MCMDC2: variants seen among roughly 807,000 people sequenced by gnomAD.
MCMDC2 encodes the protein minichromosome maintenance domain-containing protein 2.
MCMDC2 carries 54 observed loss-of-function variants against 75.8 expected under a neutral mutation model. The ratio of observed to expected loss-of-function variants is 0.71; its 90% CI spans 0.57 to 0.89. The LOEUF (loss-of-function observed/expected upper bound fraction) is 0.89, where lower values mean the gene tolerates loss of function less well. Ranked by LOEUF, MCMDC2 falls within the 40% of genes least tolerant of loss-of-function variation. The probability of loss-of-function intolerance (pLI) is 0.00; values close to 1 mark genes in which losing one functional copy is unlikely to be tolerated. For missense variants in MCMDC2, 656 were observed against 780.4 expected, an observed-to-expected ratio of 0.84 and a Z score of 1.90; for synonymous variants, 249 against 274.6, an observed-to-expected ratio of 0.91 and a Z score of 0.92.
chr8:66,902,711 A>ATAT (rs1554530727), intron 13 of MCMDC2, among the ~76,000 whole-genome samples: 122 of 67,844 alleles, frequency 1.8e-3, no homozygotes, highest in Middle Eastern at 0.011. Context: ...AAAAAAAAAA[A>ATAT]ATATATATAT....
At chr8:66,912,240 C>G (rs1294111695) in intron 14 of MCMDC2, among the ~76,000 whole-genome samples, 3 of 152,108 alleles carry the variant, frequency 2.0e-5, no homozygotes, top group African/African-American at 7.2e-5. Context: ...AATGTGGCGG[C>G]AACAGCAAGA....
chr8:66,925,788 G>A (rs1045562751), downstream of MCMDC2, among the ~76,000 whole-genome samples: 4 of 152,202 alleles, frequency 2.6e-5, no homozygotes, highest in African/African-American at 9.6e-5. Flanking sequence ...AGGCTCAGGA[G>A]TAACTCTGCT....
At chr8:66,879,005 C>T in intron 7 of MCMDC2, 86 bp downstream of exon 7, 1 of 812,804 alleles carries the variant, frequency 1.2e-6, no homozygotes, top group South Asian at 1.5e-5. Flanking sequence ...CCTGTAATCC[C>T]AACACTTTTG....
At position 66,891,037 on chromosome 8, in the gene MCMDC2, C is replaced by A; in HGVS notation, c.1246C>A (p.His416Asn). 1 of 1,590,238 alleles carries A rather than the reference C, an allele frequency of 6.3e-7. No homozygotes were observed. The highest frequency in any genetic ancestry group is 1.2e-5 in the South Asian group (1 of 85,714). ...GICFIGDLAS[H>N]KKDKLEQLQT... is the part of the protein sequence containing the mutation. ...CTGCTTTATAGGAGACTTGGCTTCACACAAAAAAGATAAACTTGAACAGCT... is the reference window on the plus strand; with the variant it reads ...CTGCTTTATAGGAGACTTGGCTTCAAACAAAAAAGATAAACTTGAACAGCT... Residue 416 changes from histidine to asparagine, a missense_variant, in exon 10 of 15, where the codon CAC becomes AAC. His to Asn is a moderately conservative substitution (Grantham distance 68). Transcript: ENST00000422365.
At chr8:66,879,314 C>T (rs575907582) in intron 7 of MCMDC2, among the ~76,000 whole-genome samples, 1 of 151,992 alleles carries the variant, frequency 6.6e-6, no homozygotes, top group South Asian at 2.1e-4. Flanking sequence ...AAAAGCTGGC[C>T]AGGCGCGGTG....
At chr8:66,881,842 G>A (rs1466475801) in intron 8 of MCMDC2, among the ~76,000 whole-genome samples, 5 of 152,196 alleles carry the variant, frequency 3.3e-5, no homozygotes, top group African/African-American at 1.2e-4. Flanking sequence ...AAACAAAAGT[G>A]GAGAGCAGAC....
At chr8:66,891,587 A>T (rs1410055074) in intron 10 of MCMDC2, among the ~76,000 whole-genome samples, 1 of 152,052 alleles carries the variant, frequency 6.6e-6, no homozygotes, top group Non-Finnish European at 1.5e-5. Context: ...ATGTCACAGG[A>T]TCCTTCGGGT....
In MCMDC2 at chr8:66,890,519, G is replaced by A. The variant is rs76523283; in HGVS notation, c.1074-346G>A. On this transcript the variant is annotated intron_variant, in intron 9 of 14. Coordinates refer to ENST00000422365, the MANE Select transcript of MCMDC2 (RefSeq NM_173518.5). ...CTTTCCAAGTTAAGGTCCAAGTCTCGTATACATTTTTTTGTTTTGTTTTTT... is the reference window on the plus strand; with the variant it reads ...CTTTCCAAGTTAAGGTCCAAGTCTCATATACATTTTTTTGTTTTGTTTTTT... 4.3e-4 allele frequency among the ~76,000 whole-genome samples: 65 copies of A among 151,860 alleles called. No individual in the cohort carries two copies. In the South Asian group the frequency reaches 0.013, roughly 30 times the overall value.
intron 9 of MCMDC2, among the ~76,000 whole-genome samples, chr8:66,887,749 G>C (rs942794297): frequency 1.3e-5 from 2 of 151,958 alleles, no homozygotes; most frequent in African/African-American, 4.8e-5. Flanking sequence ...GGAGGTATGA[G>C]TTAAAGTTAA....
chr8:66,926,216 A>T (rs963152880), downstream of MCMDC2: 2 of 152,184 alleles, frequency 1.3e-5, no homozygotes, highest in Non-Finnish European at 2.9e-5. Context: ...TGAACATGTT[A>T]TAATTTGCTG....
At chr8:66,922,222 A>G (rs977104034), downstream of MCMDC2, 1 of 210,934 alleles carries the variant, frequency 4.7e-6, no homozygotes, top group African/African-American at 2.3e-5. Context: ...TGAGAATACC[A>G]CACATGCAAA....
At chr8:66,906,150 C>G (rs1375944028) in intron 14 of MCMDC2, among the ~76,000 whole-genome samples, 1 of 152,014 alleles carries the variant, frequency 6.6e-6, no homozygotes, top group Non-Finnish European at 1.5e-5. Context: ...AATAAACACG[C>G]AAAAGAGGTT....
intron 9 of MCMDC2, among the ~76,000 whole-genome samples, chr8:66,888,467 G>A (rs1811947122): frequency 6.6e-6 from 1 of 152,200 alleles, no homozygotes; most frequent in South Asian, 2.1e-4. Context: ...ATTTTGGGCA[G>A]AATTAACATC....
intron 12 of MCMDC2, 99 bp downstream of exon 12, chr8:66,897,058 C>A: frequency 8.9e-7 from 1 of 1,120,288 alleles, no homozygotes; most frequent in African/African-American, 1.6e-5. Flanking sequence ...ATTTAGGATT[C>A]TTTTATTCCA....
rs769350809 is a variant in MCMDC2 at position 66,896,193 on chromosome 8, G to A, written c.1303G>A (p.Val435Met). Residue 435 changes from valine to methionine, a missense_variant, in exon 11 of 15, where the codon GTG (valine) becomes ATG (methionine). Coordinates refer to ENST00000422365, the MANE Select transcript of MCMDC2 (RefSeq NM_173518.5). ...QTVLESRSIT[V>M]YIPGKKFGED... is the part of the protein sequence containing the mutation. ...AGTTCTGGAGAGCAGAAGCATCACA[G>A]TGTACATCCCAGGAAAGAAGTTTGG... The A allele has an allele frequency of 6.2e-6, 10 of 1,610,564 alleles. No homozygotes were observed. In the South Asian group the frequency reaches 1.0e-4, roughly 16 times the overall value.
rs767485615 is a variant in MCMDC2, at chr8:66,880,830, CT to C, written c.710-18del. Reference sequence around the variant, plus strand: ...TCATTTAGTGAATATGTATTTTCTTCTGTCTTTAATAATTTTAGATGAATCA... The same window carrying C: ...TCATTTAGTGAATATGTATTTTCTTCGTCTTTAATAATTTTAGATGAATCA... On this transcript the variant is annotated intron_variant, in intron 7 of 14. Coordinates refer to ENST00000422365, the MANE Select transcript of MCMDC2 (RefSeq NM_173518.5). 1.3e-6 allele frequency: 2 copies of C among 1,510,934 alleles called. No individual in the cohort carries two copies. The highest frequency in any genetic ancestry group is 1.8e-6 in the Non-Finnish European group (2 of 1,128,794). 93.6% of individuals were successfully genotyped at this position (1,510,934 alleles called of 1,614,324 possible).
rs1812645921 is a variant in MCMDC2, at chr8:66,901,300, C to T, written c.1721C>T (p.Thr574Ile). 6.2e-7 allele frequency: 1 copy of T among 1,613,900 alleles called. No individual in the cohort carries two copies. The highest frequency in any genetic ancestry group is 8.5e-7 in the Non-Finnish European group (1 of 1,179,822). Residue 574 changes from threonine to isoleucine, a missense_variant, in exon 13 of 15, where the codon ACA becomes ATA. Physicochemically the swap from Thr to Ile is moderately conservative, Grantham distance 89 (BLOSUM62 -1). Coordinates refer to ENST00000422365, the MANE Select transcript of MCMDC2 (RefSeq NM_173518.5). ...GYYLASRRIRTGSVCGSKLSA... is the reference protein window; with the variant it reads ...GYYLASRRIRIGSVCGSKLSA... ...TATCTAGCAAGTCGCAGAATCAGAA[C>T]AGGCTCTGTATGTGGATCAAAGCTG... is the stretch of plus-strand genomic sequence containing the variant.
intron 9 of MCMDC2, among the ~76,000 whole-genome samples, chr8:66,889,945 A>T (rs1389647083): frequency 6.6e-6 from 1 of 152,220 alleles, no homozygotes; most frequent in Non-Finnish European, 1.5e-5. Flanking sequence ...GCCTAATGCA[A>T]AAATTCTGAA....
In MCMDC2 at chr8:66,896,001, A is replaced by G. The variant is rs1344057322; in HGVS notation, c.1280-169A>G. Among the ~76,000 whole-genome samples the G allele has an allele frequency of 2.0e-5, 3 of 152,160 alleles. No homozygotes were observed. In the East Asian group the frequency reaches 5.8e-4, roughly 29 times the overall value. ...GGGACACATAAGGCTTCAAATACAT[A>G]TTTTTTATGGCAGAACTTAGAGCAT... On this transcript the variant is annotated intron_variant, in intron 10 of 14. Coordinates refer to ENST00000422365, the MANE Select transcript of MCMDC2 (RefSeq NM_173518.5).
Sources: allele counts gnomAD v4.1 joint callset (sites outside exome capture counted in the v4.1 genomes callset), GRCh38; gene constraint gnomAD v4.1.1; transcripts MANE v1.5; gene names NCBI Gene and HGNC (gene_info 2026-07-23, HGNC 2026-07-21).